Variants in FRZB observed in about 807,000 individuals in gnomAD.
FRZB encodes secreted frizzled-related protein 3.
A neutral mutation model predicts 32.5 loss-of-function variants in FRZB; 34 were observed. That is an observed-to-expected ratio of 1.05 (90% CI 0.80 to 1.39). The LOEUF (loss-of-function observed/expected upper bound fraction) is 1.39, where lower values mean the gene tolerates loss of function less well. Among genes scored for constraint, FRZB ranks in the 40% most tolerant of loss-of-function variants. FRZB has a pLI of 0.00. For synonymous variants in FRZB, 170 were observed against 159.2 expected, an observed-to-expected ratio of 1.07 and a Z score of -0.51; for missense variants, 423 against 424.8, an observed-to-expected ratio of 1.00 and a Z score of 0.04.
At chr2:182,849,882 T>C (rs1169369097) in intron 2 of FRZB, among the ~76,000 whole-genome samples, 1 of 152,212 alleles carries the variant, frequency 6.6e-6, no homozygotes, top group African/African-American at 2.4e-5. Context: ...ATTATGCTTG[T>C]TTTCCCTCAT....
chr2:182,858,232 C>A (rs951381949), intron 2 of FRZB, among the ~76,000 whole-genome samples: 1 of 152,166 alleles, frequency 6.6e-6, no homozygotes, highest in African/African-American at 2.4e-5. Context: ...CGCGATTGCT[C>A]CAAACTGGAG....
At chr2:182,841,436 G>A (rs967481138) in intron 3 of FRZB, among the ~76,000 whole-genome samples, 1 of 152,016 alleles carries the variant, frequency 6.6e-6, no homozygotes, top group African/African-American at 2.4e-5. Flanking sequence ...CTTTAAAATA[G>A]TGTACATAAA....
intron 2 of FRZB, among the ~76,000 whole-genome samples, chr2:182,851,599 T>G (rs1332818422): frequency 7.9e-5 from 12 of 151,972 alleles, no homozygotes. Context: ...GAGGTTGCAG[T>G]GAGCTGAGAT....
Position 182,866,226 on chromosome 2 carries a change from C to T in FRZB, c.327G>A (p.Lys109=), listed in dbSNP as rs1553503718. The T allele has an allele frequency of 3.1e-6, 5 of 1,614,072 alleles. No homozygotes were observed. In the South Asian group the frequency reaches 3.3e-5, roughly 11 times the overall value. Residue 109 remains lysine (K), a synonymous_variant, in exon 1 of 6, where the codon AAG becomes AAA. Coordinates refer to ENST00000295113, the MANE Select transcript of FRZB (RefSeq NM_001463.4). The surrounding 1 kb of genome is among the most constrained non-coding windows in gnomAD (Gnocchi z 4.5). ...DFQHEPIKPC[K]SVCERARQGC... ...CCTGCCGGGCCCGCTCGCACACAGA[C>T]TTACAGGGCTTGATGGGCTCGTGCT...
intron 4 of FRZB, 150 bp from the exon 5 acceptor site, chr2:182,838,161 A>T: frequency 1.4e-6 from 1 of 720,328 alleles, no homozygotes; most frequent in South Asian, 1.9e-5. Context: ...ACCATTTGTA[A>T]GTCACAGACC....
At chr2:182,856,385 A>G (rs180716992) in intron 2 of FRZB, among the ~76,000 whole-genome samples, 41 of 152,052 alleles carry the variant, frequency 2.7e-4, no homozygotes, top group Admixed American at 1.8e-3. Flanking sequence ...AGAGAGAGAG[A>G]GAGATACAAT....
intron 2 of FRZB, among the ~76,000 whole-genome samples, chr2:182,851,592 G>T (rs1299278136): frequency 6.6e-6 from 1 of 151,966 alleles, no homozygotes; most frequent in African/African-American, 2.4e-5. Context: ...GGACATGGAG[G>T]TTGCAGTGAG....
chr2:182,858,933 T>A (rs1167151374), intron 1 of FRZB, 100 bp from the exon 2 acceptor site: 8 of 964,186 alleles, frequency 8.3e-6, no homozygotes, highest in Admixed American at 3.6e-5. Flanking sequence ...TGGGTAAGAA[T>A]CCAATTGTCT....
chr2:182,838,612 G>A lies in FRZB; in HGVS notation c.594C>T (p.Val198=). The change falls in exon 4 of 6, where the codon GTC becomes GTT. Residue 198 remains valine, a splice_region_variant and synonymous_variant. Transcript: ENST00000295113. Reference sequence around the variant, plus strand: ...TTATCTCTTTAACTTTAGCCCGAATGACTGGGATAAAAGACAAGAAAAGCT... The same window carrying A: ...TTATCTCTTTAACTTTAGCCCGAATAACTGGGATAAAAGACAAGAAAAGCT... ...KTYFRNNYNY[V]IRAKVKEIKT... is the part of the protein sequence containing the mutation. 6.2e-7 allele frequency: 1 copy of A among 1,610,728 alleles called. No homozygotes were observed. Among genetic ancestry groups the A allele is most frequent in the Non-Finnish European group, 8.5e-7 (1 of 1,177,382 alleles).
chr2:182,859,867 G>A (rs528515810), intron 1 of FRZB, among the ~76,000 whole-genome samples: 1 of 152,186 alleles, frequency 6.6e-6, no homozygotes, highest in South Asian at 2.1e-4. Flanking sequence ...AAAACATTTG[G>A]CTCAACTTGG....
intron 2 of FRZB, among the ~76,000 whole-genome samples, chr2:182,852,554 G>A (rs570232099): frequency 1.7e-3 from 256 of 152,218 alleles, no homozygotes; most frequent in African/African-American, 5.9e-3. Context: ...TCTCCGCTCT[G>A]GAGACATTTG....
Position 182,842,349 on chromosome 2 carries a change from A to G in FRZB, c.592+129T>C, listed in dbSNP as rs920067737. On this transcript the variant is annotated intron_variant, in intron 3 of 5. Coordinates refer to ENST00000295113, the MANE Select transcript of FRZB (RefSeq NM_001463.4). ...GGGCAGAGGGACTATGCTCCTAAAA[A>G]TAGTCCTTCTGTTTTTAAGCCTTAT... is the stretch of plus-strand genomic sequence containing the variant. The G allele has an allele frequency of 1.3e-5, 9 of 690,676 alleles. No homozygotes were observed. The African/African-American group carries it at 1.6e-4, about 12-fold the overall frequency. The allele number at this position is 690,676 out of a possible 1,614,324, so 42.8% of individuals were successfully genotyped here. A position where few individuals can be genotyped will look rare whatever the true frequency, so the allele number is the denominator to read the frequency against.
rs288321 is a variant in FRZB, at chr2:182,835,901, G to A, written c.862-936C>T. On this transcript the variant is annotated intron_variant, in intron 5 of 5. Transcript: ENST00000295113. ...AAATTCTAACTCCACCACTTACTGT[G>A]TGAAGTTTCTTGAACTTACTAGACC... is the stretch of plus-strand genomic sequence containing the variant. Among the ~76,000 whole-genome samples the A allele has an allele frequency of 3.0e-3, 450 of 152,142 alleles. 2 individuals are homozygous for A. Among genetic ancestry groups the A allele is most frequent in the African/African-American group, 0.01 (422 of 41,524 alleles).
intron 2 of FRZB, among the ~76,000 whole-genome samples, chr2:182,857,988 T>C (rs1455835687): frequency 6.6e-6 from 1 of 152,136 alleles, no homozygotes; most frequent in African/African-American, 2.4e-5. Context: ...TGGCTAACAA[T>C]AAAATATATT....
At chr2:182,839,642 A>G (rs1695565282) in intron 3 of FRZB, among the ~76,000 whole-genome samples, 1 of 152,070 alleles carries the variant, frequency 6.6e-6, no homozygotes, top group Non-Finnish European at 1.5e-5. Flanking sequence ...CTCCCCTTTA[A>G]AAGAGTCAAG....
intron 2 of FRZB, 86 bp from the exon 3 acceptor site, chr2:182,842,629 G>A: frequency 9.8e-7 from 1 of 1,021,904 alleles, no homozygotes; most frequent in Non-Finnish European, 1.5e-6. Flanking sequence ...GCTCAGACTA[G>A]ATCTCAATTT....
At chr2:182,853,875 T>G (rs1416472407) in intron 2 of FRZB, among the ~76,000 whole-genome samples, 1 of 152,184 alleles carries the variant, frequency 6.6e-6, no homozygotes, top group African/African-American at 2.4e-5. Flanking sequence ...TAGAAATAAA[T>G]GCAGCATTAG....
chr2:182,842,445 C>A lies in FRZB; in HGVS notation c.592+33G>T, dbSNP rs201221739. On this transcript the variant is annotated intron_variant, in intron 3 of 5. Transcript: ENST00000295113. ...CATCCACACACCTCTCTTAACACAG[C>A]AGTTTATACATCAACCATGAAATTT... 11 of 1,483,784 alleles carry A rather than the reference C, an allele frequency of 7.4e-6. No homozygotes were observed. The East Asian group carries it at 2.5e-4, about 34-fold the overall frequency. 91.9% of individuals were successfully genotyped at this position (1,483,784 alleles called of 1,614,324 possible).
intron 1 of FRZB, 107 bp from the exon 2 acceptor site, chr2:182,858,940 G>A: frequency 1.1e-6 from 1 of 908,492 alleles, no homozygotes; most frequent in Non-Finnish European, 1.8e-6. Context: ...GAATCCAATT[G>A]TCTGAAGGAA....
Sources: gnomAD v4.1 joint callset for allele counts (sites outside exome capture counted in the v4.1 genomes callset) on GRCh38, gnomAD v4.1.1 for gene constraint, Gnocchi (gnomAD v3.1) non-coding constraint, MANE v1.5 for transcripts, NCBI Gene and HGNC (gene_info 2026-07-23, HGNC 2026-07-21) for gene names.